The following ZMAT4 variants were observed in gnomAD, a reference collection of about 807,000 sequenced individuals.
The protein encoded by ZMAT4 is zinc finger matrin-type 4.
A neutral mutation model predicts 28.7 loss-of-function variants in ZMAT4; 17 were observed. That is an observed-to-expected ratio of 0.59 (90% CI 0.41 to 0.89). The LOEUF (loss-of-function observed/expected upper bound fraction) is 0.89, where lower values mean the gene tolerates loss of function less well. ZMAT4 is among the 40% of genes least tolerant of loss of function. The probability of loss-of-function intolerance (pLI) is 0.00; values close to 1 mark genes in which losing one functional copy is unlikely to be tolerated. For synonymous variants in ZMAT4, 117 were observed against 109.2 expected (o/e 1.07, Z -0.44); for missense variants, 240 against 283.8 (o/e 0.85, Z 1.11).
intron 2 of ZMAT4, among the ~76,000 whole-genome samples, chr8:40,815,152 G>A (rs529947722): frequency 1.3e-3 from 194 of 152,248 alleles, no homozygotes; most frequent in Middle Eastern, 3.4e-3. Flanking sequence ...CTGCGTGCCT[G>A]TAATCCCAGC....
intron 3 of ZMAT4, among the ~76,000 whole-genome samples, chr8:40,749,226 G>A (rs1358113190): frequency 6.6e-6 from 1 of 152,120 alleles, no homozygotes; most frequent in African/African-American, 2.4e-5. Context: ...TATCCAATCA[G>A]AAAGAGGTTC....
chr8:40,586,472 A>G (rs1463141117), intron 5 of ZMAT4, among the ~76,000 whole-genome samples: 1 of 152,234 alleles, frequency 6.6e-6, no homozygotes, highest in Admixed American at 6.5e-5. Context: ...AAGGTAGACC[A>G]TTAAAAGTAT....
intron 3 of ZMAT4, among the ~76,000 whole-genome samples, chr8:40,752,093 C>T (rs1273716541): frequency 6.6e-6 from 1 of 152,160 alleles, no homozygotes; most frequent in African/African-American, 2.4e-5. Flanking sequence ...AACCCCAGTC[C>T]TCCTACTGGA....
intron 2 of ZMAT4, among the ~76,000 whole-genome samples, chr8:40,786,508 G>T (rs1429020904): frequency 6.6e-6 from 1 of 151,960 alleles, no homozygotes; most frequent in East Asian, 1.9e-4. Flanking sequence ...ACAAACAAGG[G>T]TCAAAATATA....
At chr8:40,856,350 G>A (rs1216241068) in intron 1 of ZMAT4, among the ~76,000 whole-genome samples, 1 of 152,166 alleles carries the variant, frequency 6.6e-6, no homozygotes, top group African/African-American at 2.4e-5. Context: ...GATGGAAAGG[G>A]TTGGAAAAAG....
At chr8:40,558,778 G>A (rs908175991) in intron 6 of ZMAT4, among the ~76,000 whole-genome samples, 2 of 151,986 alleles carry the variant, frequency 1.3e-5, no homozygotes, top group Admixed American at 6.6e-5. Flanking sequence ...CTTCTTGGCC[G>A]AGGGGACCCC....
At chr8:40,823,705 ACGTGTGTGTGTGTG>A (rs11274703) in intron 2 of ZMAT4, among the ~76,000 whole-genome samples, 34,075 of 151,584 alleles carry the variant, frequency 0.22, 4,050 homozygotes, top group South Asian at 0.31. Flanking sequence ...ACACACACAC[ACGTGTGTGTGTGTG>A]CGTGTGTGTT....
intron 2 of ZMAT4, among the ~76,000 whole-genome samples, chr8:40,767,935 G>A (rs1486249805): frequency 6.6e-6 from 1 of 152,204 alleles, no homozygotes; most frequent in Non-Finnish European, 1.5e-5. Flanking sequence ...TTCAGGATGA[G>A]AAAACACAGT....
At chr8:40,683,783 G>A (rs1585873413) in intron 4 of ZMAT4, among the ~76,000 whole-genome samples, 1 of 152,192 alleles carries the variant, frequency 6.6e-6, no homozygotes, top group East Asian at 1.9e-4. Flanking sequence ...AATTATTTCA[G>A]ACCAGGCACA....
At chr8:40,667,347 G>A (rs891393938) in intron 5 of ZMAT4, among the ~76,000 whole-genome samples, 1 of 151,970 alleles carries the variant, frequency 6.6e-6, no homozygotes, top group Non-Finnish European at 1.5e-5. Context: ...GTAGAGACAG[G>A]GTTTCACAGT....
chr8:40,550,205 G>T (rs1240458187), intron 6 of ZMAT4, among the ~76,000 whole-genome samples: 1 of 152,014 alleles, frequency 6.6e-6, no homozygotes, highest in Non-Finnish European at 1.5e-5. Context: ...AAACCAGAGG[G>T]CTCCTCTGAA....
chr8:40,548,942 T>C (rs1418410987), intron 6 of ZMAT4, among the ~76,000 whole-genome samples: 1 of 152,104 alleles, frequency 6.6e-6, no homozygotes, highest in Non-Finnish European at 1.5e-5. Flanking sequence ...CCAATACCAT[T>C]TGCTATGGTC....
At chr8:40,786,422 G>A (rs1814084637) in intron 2 of ZMAT4, among the ~76,000 whole-genome samples, 1 of 151,034 alleles carries the variant, frequency 6.6e-6, no homozygotes, top group African/African-American at 2.4e-5. Flanking sequence ...AATTATAGAA[G>A]GTAAATAGTA....
chr8:40,896,736 G>A (rs1317786019), intron 1 of ZMAT4, among the ~76,000 whole-genome samples: 1 of 152,126 alleles, frequency 6.6e-6, no homozygotes, highest in Non-Finnish European at 1.5e-5. Flanking sequence ...GGGGTGAGCT[G>A]TTTTACTTCA....
chr8:40,542,509 C>T (rs76040287), intron 6 of ZMAT4, among the ~76,000 whole-genome samples: 5 of 151,992 alleles, frequency 3.3e-5, no homozygotes, highest in Admixed American at 2.0e-4. Context: ...CCACCTCAGG[C>T]TCTGGAGTAG....
At chr8:40,775,553 C>T (rs1190674679) in intron 2 of ZMAT4, among the ~76,000 whole-genome samples, 5 of 152,204 alleles carry the variant, frequency 3.3e-5, no homozygotes, top group Non-Finnish European at 5.9e-5. Context: ...GAGTCCACAG[C>T]TCAAACAGAG....
intron 5 of ZMAT4, among the ~76,000 whole-genome samples, chr8:40,665,067 G>A (rs534395023): frequency 1.1e-4 from 17 of 152,264 alleles, no homozygotes; most frequent in African/African-American, 3.4e-4. Context: ...CTAGCCAGGC[G>A]TGGTGGTGGG....
At chr8:40,740,254 C>T (rs1456804645) in intron 3 of ZMAT4, among the ~76,000 whole-genome samples, 1 of 152,216 alleles carries the variant, frequency 6.6e-6, no homozygotes, top group African/African-American at 2.4e-5. Context: ...TACACTCCCA[C>T]CAACATACAA....
At chr8:40,606,622 G>T (rs573882495) in intron 5 of ZMAT4, among the ~76,000 whole-genome samples, 1 of 152,026 alleles carries the variant, frequency 6.6e-6, no homozygotes, top group Non-Finnish European at 1.5e-5. Flanking sequence ...TCTTTCATTC[G>T]TCTTGACTTT....
Sources: allele counts gnomAD v4.1 joint callset (sites outside exome capture counted in the v4.1 genomes callset), GRCh38; gene constraint gnomAD v4.1.1; transcripts MANE v1.5; gene names NCBI Gene and HGNC (gene_info 2026-07-23, HGNC 2026-07-21).